Variants in STK10 observed in about 807,000 individuals in gnomAD.
The protein encoded by STK10 is serine/threonine kinase 10, also known as serine/threonine-protein kinase 10.
Under a neutral mutation model 113.8 loss-of-function variants are expected in STK10, and 78 were observed. The observed-to-expected ratio is 0.69, with a 90% confidence interval of 0.57 to 0.83. The LOEUF (loss-of-function observed/expected upper bound fraction) is 0.83, where lower values mean the gene tolerates loss of function less well. STK10 is among the 40% of genes least tolerant of loss of function. The probability of loss-of-function intolerance (pLI) is 0.00; values close to 1 mark genes in which losing one functional copy is unlikely to be tolerated. For synonymous variants in STK10, 465 were observed against 494.7 expected (o/e 0.94, Z 0.80); for missense variants, 1,109 against 1,280.1 (o/e 0.87, Z 2.04).
At chr5:172,095,364 T>C (rs1768824578) in intron 8 of STK10, among the ~76,000 whole-genome samples, 1 of 152,206 alleles carries the variant, frequency 6.6e-6, no homozygotes. Context: ...ATCAGCCTCC[T>C]GCATGCAGAC....
rs1770994925 is a variant in STK10, at chr5:172,188,114, G to A, written c.-72C>T. 6.4e-7 allele frequency: 1 copy of A among 1,553,220 alleles called. No homozygotes were observed. Among genetic ancestry groups the A allele is most frequent in the Non-Finnish European group, 8.7e-7 (1 of 1,150,286 alleles). ...GCTGTGGCTTCGGCGGCCGCGAGGA[G>A]AAGGAGGAGGAGTTGGAGGACGCCG... On this transcript the variant is annotated 5_prime_UTR_variant, in exon 1 of 19. Coordinates refer to ENST00000176763, the MANE Select transcript of STK10 (RefSeq NM_005990.4). This position sits in a 1 kb window ranked among gnomAD's most constrained non-coding sequence, Gnocchi z 5.6.
At chr5:172,123,930 ATTATT>A (rs1328672000) in intron 3 of STK10, among the ~76,000 whole-genome samples, 1 of 152,016 alleles carries the variant, frequency 6.6e-6, no homozygotes, top group Non-Finnish European at 1.5e-5. Flanking sequence ...ACAACTCTTT[ATTATT>A]TTATTTTTTT....
At chr5:172,056,138 T>G (rs1285344928) in intron 15 of STK10, among the ~76,000 whole-genome samples, 1 of 152,228 alleles carries the variant, frequency 6.6e-6, no homozygotes, top group South Asian at 2.1e-4. Context: ...ATTTGAATTT[T>G]TTCCTTCCCC....
Position 172,117,797 on chromosome 5 carries a change from G to A in STK10, c.371-167C>T, listed in dbSNP as rs541910540. ...TGAGAGGCCGAGGCAGGTGGATTAC[G>A]AGGTCAGGGGTTCAAGGCCAGCCTA... is the stretch of plus-strand genomic sequence containing the variant. On this transcript the variant is annotated intron_variant, in intron 3 of 18. Transcript: ENST00000176763. Among the ~76,000 whole-genome samples, 10 of 152,090 alleles carry A rather than the reference G, an allele frequency of 6.6e-5. No individual in the cohort carries two copies. The East Asian group carries it at 1.9e-3, about 29-fold the overall frequency.
chr5:172,081,351 CAAAAAAAAAAA>C (rs58173076), intron 12 of STK10, among the ~76,000 whole-genome samples: 2 of 68,614 alleles, frequency 2.9e-5, no homozygotes, highest in African/African-American at 1.1e-4. Flanking sequence ...ACTCCATCTC[CAAAAAAAAAAA>C]AAAAAAAAAA....
intron 2 of STK10, among the ~76,000 whole-genome samples, chr5:172,131,038 T>TTC (rs1483079483): frequency 1.0e-4 from 15 of 147,228 alleles, no homozygotes; most frequent in African/African-American, 3.8e-4. Flanking sequence ...AGCTGTTTTT[T>TTC]TTTTTTTTTT....
At chr5:172,096,854 G>C (rs1327457847) in intron 7 of STK10, among the ~76,000 whole-genome samples, 1 of 152,226 alleles carries the variant, frequency 6.6e-6, no homozygotes, top group Admixed American at 6.5e-5. Flanking sequence ...CCACAGGGAG[G>C]TCATGCGGAT....
chr5:172,121,933 T>C (rs1469450313), intron 3 of STK10, among the ~76,000 whole-genome samples: 1 of 151,980 alleles, frequency 6.6e-6, no homozygotes, highest in African/African-American at 2.4e-5. Flanking sequence ...TGGCGTGATC[T>C]TGGCTCACTG....
chr5:172,073,034 G>T (rs1038779737), intron 12 of STK10, among the ~76,000 whole-genome samples: 1 of 152,190 alleles, frequency 6.6e-6, no homozygotes, highest in Non-Finnish European at 1.5e-5. Flanking sequence ...GCACAGTGGT[G>T]CAATTATGGC....
chr5:172,100,465 G>C (rs891808504), intron 7 of STK10, among the ~76,000 whole-genome samples: 1 of 152,092 alleles, frequency 6.6e-6, no homozygotes, highest in Non-Finnish European at 1.5e-5. Context: ...CAGCCAGAGG[G>C]GTCCTATACT....
intron 9 of STK10, among the ~76,000 whole-genome samples, chr5:172,092,008 CCT>C (rs58204152): frequency 0.21 from 32,353 of 152,130 alleles, 4,848 homozygotes; most frequent in African/African-American, 0.43. Context: ...GGTCTGGGCC[CCT>C]GTCTCCTGCC....
rs746184863 is a variant in STK10, at chr5:172,082,482, C to A, written c.1833G>T (p.Thr611=). ...EINAKKKFFD[T]ELENLERQQK... is the part of the protein sequence containing the mutation. Reference sequence around the variant, plus strand: ...GCTGACGCTCCAGGTTCTCTAATTCCGTGTCAAAGAACTTCTTCTTGGCCT... The same window carrying A: ...GCTGACGCTCCAGGTTCTCTAATTCAGTGTCAAAGAACTTCTTCTTGGCCT... Residue 611 remains threonine (T), a synonymous_variant, in exon 12 of 19, where the codon ACG becomes ACT. Coordinates refer to ENST00000176763, the MANE Select transcript of STK10 (RefSeq NM_005990.4). The surrounding 1 kb of genome is among the most constrained non-coding windows in gnomAD (Gnocchi z 4.3). 6 of 1,593,184 alleles carry A rather than the reference C, an allele frequency of 3.8e-6. No individual in the cohort carries two copies. The highest frequency in any genetic ancestry group is 2.3e-5 in the East Asian group (1 of 44,282).
At chr5:172,089,452 A>C (rs1554118134) in intron 10 of STK10, among the ~76,000 whole-genome samples, 1 of 102,464 alleles carries the variant, frequency 9.8e-6, no homozygotes, top group Admixed American at 8.6e-5. Context: ...ATGGATGGTT[A>C]GGTAGATAGG....
At chr5:172,052,387 A>G (rs921383436) in intron 18 of STK10, among the ~76,000 whole-genome samples, 2 of 152,202 alleles carry the variant, frequency 1.3e-5, no homozygotes, top group Non-Finnish European at 2.9e-5. Context: ...CTAAGAGCCC[A>G]GCCACGCTGA....
chr5:172,173,211 G>A (rs1770693665), intron 1 of STK10, among the ~76,000 whole-genome samples: 1 of 152,156 alleles, frequency 6.6e-6, no homozygotes, highest in South Asian at 2.1e-4. Context: ...GGCAGTGAGG[G>A]CCCCCAAAAA....
chr5:172,182,604 T>A (rs1168547319), intron 1 of STK10, among the ~76,000 whole-genome samples: 1 of 148,300 alleles, frequency 6.7e-6, no homozygotes, highest in East Asian at 2.0e-4. Context: ...CCCAGGTTGG[T>A]TTGCAATGGC....
chr5:172,086,352 G>A (rs11958723), intron 10 of STK10, among the ~76,000 whole-genome samples: 3,452 of 152,248 alleles, frequency 0.023, 136 homozygotes, highest in African/African-American at 0.078. Context: ...GGTTTTGAGA[G>A]TGTTAACGAG....
At chr5:172,107,460 C>T (rs547495393) in intron 5 of STK10, among the ~76,000 whole-genome samples, 3 of 152,332 alleles carry the variant, frequency 2.0e-5, no homozygotes, top group Admixed American at 6.5e-5. Flanking sequence ...TCAATACATA[C>T]GTGGCGAATA....
chr5:172,115,823 AG>A (rs1287514279), intron 4 of STK10, among the ~76,000 whole-genome samples: 1 of 152,200 alleles, frequency 6.6e-6, no homozygotes. Context: ...AGTGCATGGT[AG>A]CTCTAGTGAA....
Sources: allele counts gnomAD v4.1 joint callset (sites outside exome capture counted in the v4.1 genomes callset), GRCh38; gene constraint gnomAD v4.1.1; non-coding constraint Gnocchi (gnomAD v3.1); transcripts MANE v1.5; gene names NCBI Gene and HGNC (gene_info 2026-07-23, HGNC 2026-07-21).